LINGO2: variants seen among roughly 807,000 people sequenced by gnomAD.
LINGO2 encodes leucine rich repeat and Ig domain containing 2.
In LINGO2, 14 loss-of-function variants were observed where a neutral mutation model predicts 30.6. That is an observed-to-expected ratio of 0.46 (90% CI 0.30 to 0.72). LINGO2 has a LOEUF of 0.72. Among genes scored for constraint, LINGO2 ranks in the 30% least tolerant of loss-of-function variants. The pLI is 0.07. For missense variants in LINGO2, 729 were observed against 751.7 expected, an observed-to-expected ratio of 0.97 and a Z score of 0.35; for synonymous variants, 317 against 288.5, an observed-to-expected ratio of 1.10 and a Z score of -1.00.
chr9:29,017,738 G>C, the LINGO2 span, among the ~76,000 whole-genome samples: 1 of 152,070 alleles, frequency 6.6e-6, no homozygotes, highest in Non-Finnish European at 1.5e-5. Flanking sequence ...GAAAGGGTAA[G>C]TGAGAACCCA....
At chr9:28,727,667 C>T in the LINGO2 span, among the ~76,000 whole-genome samples, 1 of 152,124 alleles carries the variant, frequency 6.6e-6, no homozygotes, top group Non-Finnish European at 1.5e-5. Context: ...TGGGTACTGA[C>T]TCTGGCTGTG....
At chr9:29,137,751 T>C in the LINGO2 span, among the ~76,000 whole-genome samples, 1 of 152,258 alleles carries the variant, frequency 6.6e-6, no homozygotes, top group Admixed American at 6.5e-5. Flanking sequence ...GAGATACTGC[T>C]GGTTTGAAAA....
At chr9:28,227,961 A>G (rs1461499628) in intron 4 of LINGO2, among the ~76,000 whole-genome samples, 1 of 152,106 alleles carries the variant, frequency 6.6e-6, no homozygotes, top group African/African-American at 2.4e-5. Context: ...CAGAGTAATT[A>G]GGGCTTTATT....
At chr9:28,645,450 T>C (rs551954165) in intron 1 of LINGO2, among the ~76,000 whole-genome samples, 122 of 152,256 alleles carry the variant, frequency 8.0e-4, no homozygotes, top group South Asian at 2.3e-3. Context: ...TGCGGAACTG[T>C]TTCTGTAAGT....
chr9:28,050,072 G>A (rs1056483092), intron 4 of LINGO2, among the ~76,000 whole-genome samples: 1 of 150,724 alleles, frequency 6.6e-6, no homozygotes, highest in African/African-American at 2.5e-5. Context: ...AGGTAAAAAG[G>A]TAGGGCTTTG....
At position 28,457,259 on chromosome 9, in the gene LINGO2, T is replaced by C. The variant is rs561015294; in HGVS notation, c.-279+18681A>G. ...AATCTTTTCCTTGCAAGGGACCAAC[T>C]ATATAGCTAATCACATAGTAAAATA... On this transcript the variant is annotated intron_variant, in intron 2 of 5. Transcript: ENST00000379992. Among the ~76,000 whole-genome samples the C allele has an allele frequency of 2.0e-5, 3 of 152,326 alleles. No individual in the cohort carries two copies. The East Asian group carries it at 5.8e-4, about 29-fold the overall frequency.
chr9:28,597,841 T>C (rs1252767546), intron 1 of LINGO2, among the ~76,000 whole-genome samples: 1 of 152,166 alleles, frequency 6.6e-6, no homozygotes, highest in Admixed American at 6.6e-5. Context: ...CTCGGCTCAC[T>C]GCAACCTCCA....
At chr9:28,763,099 G>C in the LINGO2 span, among the ~76,000 whole-genome samples, 1 of 151,806 alleles carries the variant, frequency 6.6e-6, no homozygotes, top group Non-Finnish European at 1.5e-5. Context: ...AGCCCCTCCG[G>C]GTATTTCAAT....
At chr9:29,057,762 C>A in the LINGO2 span, among the ~76,000 whole-genome samples, 1 of 152,044 alleles carries the variant, frequency 6.6e-6, no homozygotes, top group Non-Finnish European at 1.5e-5. Context: ...AAGCAACTAC[C>A]ACATAATAAA....
Position 28,075,949 on chromosome 9 carries a change from A to G in LINGO2, c.-86-63544T>C, listed in dbSNP as rs137863043. Among the ~76,000 whole-genome samples, 82 of 151,958 alleles carry G rather than the reference A, an allele frequency of 5.4e-4. 1 individual carries two copies. In the East Asian group the frequency reaches 9.3e-3, roughly 17 times the overall value. On this transcript the variant is annotated intron_variant, in intron 4 of 5. Coordinates refer to ENST00000379992, the Ensembl canonical transcript of LINGO2. ...AATATTTTTGCTTTTTGTGCTGTGC[A>G]TTAGTTTGAAGTAAATATGCCTTTT...
chr9:28,053,938 T>C (rs1824796539), intron 4 of LINGO2, among the ~76,000 whole-genome samples: 1 of 151,900 alleles, frequency 6.6e-6, no homozygotes, highest in Non-Finnish European at 1.5e-5. Flanking sequence ...GAGTAACAGA[T>C]ATGGGGTAAA....
At chr9:28,917,515 G>A in the LINGO2 span, among the ~76,000 whole-genome samples, 1 of 150,928 alleles carries the variant, frequency 6.6e-6, no homozygotes, top group South Asian at 2.1e-4. Context: ...TGCAGTTGTG[G>A]GATCTCGGCT....
At chr9:28,707,873 C>A in the LINGO2 span, among the ~76,000 whole-genome samples, 2 of 152,020 alleles carry the variant, frequency 1.3e-5, no homozygotes, top group Non-Finnish European at 2.9e-5. Flanking sequence ...CACATGGAAG[C>A]CCAATTAAAA....
At chr9:28,969,127 A>G in the LINGO2 span, among the ~76,000 whole-genome samples, 9 of 152,308 alleles carry the variant, frequency 5.9e-5, no homozygotes, top group Non-Finnish European at 8.8e-5. Flanking sequence ...ATAAATAATA[A>G]TAAGCATAGC....
the LINGO2 span, among the ~76,000 whole-genome samples, chr9:28,933,092 T>G: frequency 2.0e-5 from 3 of 151,988 alleles, no homozygotes; most frequent in Admixed American, 6.6e-5. Context: ...TTTTTAGTAT[T>G]GACAGGGTTT....
At chr9:28,701,980 G>A in the LINGO2 span, among the ~76,000 whole-genome samples, 7 of 151,900 alleles carry the variant, frequency 4.6e-5, no homozygotes, top group Non-Finnish European at 1.0e-4. Flanking sequence ...TATCCGAGAA[G>A]CTTGGTATAA....
the LINGO2 span, among the ~76,000 whole-genome samples, chr9:28,970,819 A>T: frequency 6.6e-6 from 1 of 152,180 alleles, no homozygotes; most frequent in Admixed American, 6.5e-5. Flanking sequence ...AAGGACTGCA[A>T]CTTTTACAGG....
chr9:28,519,643 C>A (rs1245952607), intron 1 of LINGO2, among the ~76,000 whole-genome samples: 5 of 152,112 alleles, frequency 3.3e-5, no homozygotes, highest in African/African-American at 1.2e-4. Flanking sequence ...CATAGAACTG[C>A]CAGATAAGAA....
chr9:28,643,106 A>G (rs1356933244), intron 1 of LINGO2, among the ~76,000 whole-genome samples: 1 of 152,142 alleles, frequency 6.6e-6, no homozygotes, highest in East Asian at 1.9e-4. Flanking sequence ...TAAAATCTCC[A>G]TATTTCCCAA....
Sources: allele counts gnomAD v4.1 joint callset (sites outside exome capture counted in the v4.1 genomes callset), GRCh38; gene constraint gnomAD v4.1.1; transcripts MANE v1.5; gene names NCBI Gene and HGNC (gene_info 2026-07-23, HGNC 2026-07-21).